The following EFCAB6 variants were observed in gnomAD, a reference collection of about 807,000 sequenced individuals.
EFCAB6 encodes the protein EF-hand calcium binding domain 6.
In EFCAB6, 156 loss-of-function variants were observed where a neutral mutation model predicts 169.8. The ratio of observed to expected loss-of-function variants is 0.92; its 90% confidence interval spans 0.81 to 1.05. The LOEUF is 1.05. Among genes scored for constraint, EFCAB6 ranks in the 50% least tolerant of loss-of-function variants. The pLI is 0.00. For missense variants in EFCAB6, 1,800 were observed against 1,829.1 expected (o/e 0.98, Z 0.29); for synonymous variants, 698 against 676.4 (o/e 1.03, Z -0.50).
At chr22:43,630,510 C>T (rs920442163) in intron 19 of EFCAB6, among the ~76,000 whole-genome samples, 3 of 152,278 alleles carry the variant, frequency 2.0e-5, no homozygotes, top group South Asian at 2.1e-4. Context: ...CACTGGGAGA[C>T]GCGAGGAGTG....
chr22:43,589,950 G>T, intron 24 of EFCAB6, 124 bp downstream of exon 24: 1 of 1,266,932 alleles, frequency 7.9e-7, no homozygotes, highest in Non-Finnish European at 1.1e-6. Context: ...CAGCAAACAG[G>T]AAGACATGGA....
intron 17 of EFCAB6, among the ~76,000 whole-genome samples, chr22:43,637,660 C>A (rs1339125194): frequency 6.6e-6 from 1 of 152,138 alleles, no homozygotes; most frequent in Non-Finnish European, 1.5e-5. Context: ...TCCCCAGGGC[C>A]TGCCTGTGGA....
intron 26 of EFCAB6, 65 bp from the exon 27 acceptor site, chr22:43,555,161 C>T (rs2048630632): frequency 1.9e-6 from 3 of 1,542,528 alleles, no homozygotes; most frequent in Middle Eastern, 1.8e-4. Flanking sequence ...GCTCTGGGCT[C>T]CTCACCCAGG....
At chr22:43,651,636 A>G (rs1358440978) in intron 17 of EFCAB6, among the ~76,000 whole-genome samples, 1 of 152,208 alleles carries the variant, frequency 6.6e-6, no homozygotes, top group African/African-American at 2.4e-5. Flanking sequence ...AGCTTGGACC[A>G]TGCTCCTGGA....
intron 29 of EFCAB6, 108 bp from the exon 30 acceptor site, chr22:43,534,980 T>G: frequency 8.1e-7 from 1 of 1,234,206 alleles, no homozygotes; most frequent in East Asian, 2.4e-5. Flanking sequence ...AGGCCCTGGC[T>G]TGGTCCTCAC....
chr22:43,637,969 T>C lies in EFCAB6; in HGVS notation c.1984-2753A>G, dbSNP rs557533852. Among the ~76,000 whole-genome samples the C allele has an allele frequency of 2.0e-5, 3 of 152,364 alleles. No individual in the cohort carries two copies. In the East Asian group the frequency reaches 5.8e-4, roughly 29 times the overall value. Reference sequence around the variant, plus strand: ...GTAAGGAAATGTCTGCAGGCAAATGTTCCCCAGCCTAGAGGGCTGTGAGGT... The same window carrying C: ...GTAAGGAAATGTCTGCAGGCAAATGCTCCCCAGCCTAGAGGGCTGTGAGGT... On this transcript the variant is annotated intron_variant, in intron 17 of 31. Transcript: ENST00000262726.
chr22:43,681,306 C>T (rs2057997153), intron 12 of EFCAB6, among the ~76,000 whole-genome samples: 1 of 152,118 alleles, frequency 6.6e-6, no homozygotes, highest in African/African-American at 2.4e-5. Context: ...GGGATAAATC[C>T]CATGTGGTCA....
chr22:43,608,403 A>C, intron 22 of EFCAB6, 79 bp downstream of exon 22: 1 of 1,268,044 alleles, frequency 7.9e-7, no homozygotes, highest in South Asian at 1.3e-5. Flanking sequence ...CTGATGTAGG[A>C]AAGATTAGGC....
intron 5 of EFCAB6, among the ~76,000 whole-genome samples, chr22:43,757,976 C>T (rs2061019093): frequency 6.6e-6 from 1 of 152,216 alleles, no homozygotes; most frequent in African/African-American, 2.4e-5. Context: ...TTTTCTCTTA[C>T]TGGATTTCAC....
At chr22:43,680,807 C>T (rs953937910) in intron 12 of EFCAB6, among the ~76,000 whole-genome samples, 4 of 152,150 alleles carry the variant, frequency 2.6e-5, no homozygotes, top group Non-Finnish European at 5.9e-5. Context: ...TATATTTCTG[C>T]AACCTTATAA....
chr22:43,665,719 G>A (rs752172951), intron 17 of EFCAB6, among the ~76,000 whole-genome samples: 3 of 152,178 alleles, frequency 2.0e-5, no homozygotes, highest in Non-Finnish European at 2.9e-5. Flanking sequence ...ATCAATGACT[G>A]GTTATCGGCC....
intron 4 of EFCAB6, among the ~76,000 whole-genome samples, chr22:43,770,410 A>T (rs546937819): frequency 6.6e-6 from 1 of 152,234 alleles, no homozygotes; most frequent in Non-Finnish European, 1.5e-5. Context: ...CCATCAATGC[A>T]GGTCAACCTT....
rs907953840 is a variant in EFCAB6 at position 43,795,305 on chromosome 22, TAGAC to T, written c.-7-12984_-7-12981del. On this transcript the variant is annotated intron_variant, in intron 2 of 31. Coordinates refer to ENST00000262726, the MANE Select transcript of EFCAB6 (RefSeq NM_022785.4). This position sits in a 1 kb window ranked among gnomAD's most constrained non-coding sequence, Gnocchi z 4.2. ...CGATATAAAAATATATTGTCACAAA[TAGAC>T]AGGGACTAGAAGATATGACAAAAAT... Among the ~76,000 whole-genome samples, 7 of 152,272 alleles carry T rather than the reference TAGAC, an allele frequency of 4.6e-5. No individual in the cohort carries two copies. The South Asian group carries it at 6.2e-4, about 14-fold the overall frequency.
At chr22:43,717,103 C>CAGA in intron 8 of EFCAB6, 131 bp from the exon 9 acceptor site, 1 of 1,182,772 alleles carries the variant, frequency 8.5e-7, no homozygotes, top group Non-Finnish European at 1.1e-6. Flanking sequence ...GATGAACCAT[C>CAGA]TGATTAATGG....
rs200691320 is a variant in EFCAB6 at position 43,632,291 on chromosome 22, C to T, written c.2099-53G>A. On this transcript the variant is annotated intron_variant, in intron 18 of 31. Transcript: ENST00000262726. ...CCATTAGTGCCCATCAGCTTCATTC[C>T]TTCTTTTTTTTTTTTTTTTTTTTTT... 4.4e-3 allele frequency: 5,856 copies of T among 1,316,322 alleles called. 24 individuals are homozygous for T. Among genetic ancestry groups the T allele is most frequent in the Middle Eastern group, 0.03 (112 of 3,736 alleles). 81.5% of individuals were successfully genotyped at this position (1,316,322 alleles called of 1,614,324 possible).
intron 5 of EFCAB6, among the ~76,000 whole-genome samples, chr22:43,763,036 T>C (rs561468921): frequency 6.6e-6 from 1 of 152,280 alleles, no homozygotes; most frequent in East Asian, 1.9e-4. Flanking sequence ...CTGGAGCTGC[T>C]GCACTCATTC....
chr22:43,608,745 G>A, intron 21 of EFCAB6, 145 bp from the exon 22 acceptor site: 1 of 728,614 alleles, frequency 1.4e-6, no homozygotes, highest in Non-Finnish European at 2.3e-6. Flanking sequence ...CTACGTTCCA[G>A]GTATCCTCAT....
Position 43,754,079 on chromosome 22 carries a change from G to C in EFCAB6, c.507+1687C>G, listed in dbSNP as rs540513785. Among the ~76,000 whole-genome samples the C allele has an allele frequency of 3.9e-5, 6 of 152,298 alleles. No individual in the cohort carries two copies. The South Asian group carries it at 1.2e-3, about 32-fold the overall frequency. Reference sequence around the variant, plus strand: ...AAAGCACACAGTTGAGGGGTGTACTGATTTGTTCTCTTTATTTGGAGGTGG... The same window carrying C: ...AAAGCACACAGTTGAGGGGTGTACTCATTTGTTCTCTTTATTTGGAGGTGG... On this transcript the variant is annotated intron_variant, in intron 6 of 31. Coordinates refer to ENST00000262726, the MANE Select transcript of EFCAB6 (RefSeq NM_022785.4).
At chr22:43,648,770 C>G (rs1337778142) in intron 17 of EFCAB6, among the ~76,000 whole-genome samples, 2 of 152,152 alleles carry the variant, frequency 1.3e-5, no homozygotes, top group Non-Finnish European at 2.9e-5. Flanking sequence ...GAGATTTGAG[C>G]CCTGGCAGCC....
Sources: allele counts gnomAD v4.1 joint callset (sites outside exome capture counted in the v4.1 genomes callset), GRCh38; gene constraint gnomAD v4.1.1; non-coding constraint Gnocchi (gnomAD v3.1); transcripts MANE v1.5; gene names NCBI Gene and HGNC (gene_info 2026-07-23, HGNC 2026-07-21).